Variants in GRID2 observed in about 807,000 individuals in gnomAD.
The protein encoded by GRID2 is glutamate ionotropic receptor delta type subunit 2.
A neutral mutation model predicts 114.8 loss-of-function variants in GRID2; 33 were observed. The observed-to-expected ratio is 0.29, with a 90% CI of 0.22 to 0.38. The LOEUF (loss-of-function observed/expected upper bound fraction) is 0.38. GRID2 is among the 10% of genes least tolerant of loss of function. The pLI is 1.00. For synonymous variants in GRID2, 505 were observed against 449.9 expected (o/e 1.12, Z -1.55); for missense variants, 1,184 against 1,257.7 (o/e 0.94, Z 0.89).
intron 4 of GRID2, among the ~76,000 whole-genome samples, chr4:93,205,464 A>G (rs1204901304): frequency 2.0e-5 from 3 of 152,096 alleles, no homozygotes; most frequent in Admixed American, 2.0e-4. Context: ...AGTTTCATCC[A>G]TGTCCCTACA....
intron 2 of GRID2, among the ~76,000 whole-genome samples, chr4:92,789,044 A>G (rs973075524): frequency 6.6e-6 from 1 of 151,920 alleles, no homozygotes; most frequent in African/African-American, 2.4e-5. Flanking sequence ...TATTTACTTA[A>G]AAGATAATTT....
chr4:93,087,485 G>A (rs1322733453), intron 3 of GRID2, among the ~76,000 whole-genome samples: 5 of 152,076 alleles, frequency 3.3e-5, no homozygotes, highest in Non-Finnish European at 5.9e-5. Context: ...TTTATTACGG[G>A]TGAGATAACT....
At chr4:93,134,407 A>G (rs1461182866) in intron 4 of GRID2, among the ~76,000 whole-genome samples, 1 of 152,166 alleles carries the variant, frequency 6.6e-6, no homozygotes, top group Non-Finnish European at 1.5e-5. Flanking sequence ...GATGGTGCTT[A>G]GTGTTCTCCT....
chr4:93,239,634 A>G (rs981554535), intron 8 of GRID2, among the ~76,000 whole-genome samples: 4 of 151,568 alleles, frequency 2.6e-5, no homozygotes, highest in East Asian at 1.9e-4. Context: ...AATATGAAAC[A>G]TATAGAAAAC....
chr4:93,101,358 G>T (rs1355749730), intron 3 of GRID2, among the ~76,000 whole-genome samples: 3 of 151,980 alleles, frequency 2.0e-5, no homozygotes, highest in Non-Finnish European at 4.4e-5. Flanking sequence ...TTGAACACCA[G>T]GTCTTATTTC....
intron 2 of GRID2, among the ~76,000 whole-genome samples, chr4:92,909,801 G>A (rs576100200): frequency 2.8e-4 from 42 of 152,146 alleles, no homozygotes; most frequent in Non-Finnish European, 7.4e-5. Context: ...AATTTCAATA[G>A]ATCATGCTCT....
At chr4:92,415,535 T>G (rs1423551052) in intron 1 of GRID2, among the ~76,000 whole-genome samples, 1 of 151,678 alleles carries the variant, frequency 6.6e-6, no homozygotes, top group East Asian at 2.0e-4. Flanking sequence ...TCCTCATACC[T>G]TAGCTCTTGC....
At chr4:93,623,746 A>G (rs1049288250) in intron 13 of GRID2, among the ~76,000 whole-genome samples, 4 of 152,146 alleles carry the variant, frequency 2.6e-5, no homozygotes, top group Non-Finnish European at 5.9e-5. Flanking sequence ...TACATTTTGT[A>G]CTGTTTTATT....
intron 2 of GRID2, among the ~76,000 whole-genome samples, chr4:93,016,199 T>C (rs1214309358): frequency 6.6e-6 from 1 of 151,618 alleles, no homozygotes; most frequent in East Asian, 1.9e-4. Context: ...AAAGAGGGAA[T>C]AATACTAACG....
At chr4:93,047,443 C>T (rs918433352) in intron 2 of GRID2, among the ~76,000 whole-genome samples, 2 of 151,938 alleles carry the variant, frequency 1.3e-5, no homozygotes, top group Non-Finnish European at 2.9e-5. Context: ...TTCTACTGTC[C>T]TCTTGATTTT....
At chr4:93,371,691 C>A (rs2149292586) in intron 8 of GRID2, among the ~76,000 whole-genome samples, 1 of 150,636 alleles carries the variant, frequency 6.6e-6, no homozygotes, top group African/African-American at 2.4e-5. Context: ...CTCCATACAT[C>A]ACATGTGCTT....
chr4:93,572,264 A>G (rs927627587), intron 13 of GRID2, among the ~76,000 whole-genome samples: 2 of 152,184 alleles, frequency 1.3e-5, no homozygotes, highest in African/African-American at 4.8e-5. Context: ...TCAAAGAACC[A>G]TAATCATTTA....
chr4:93,159,928 G>A (rs1737531323), intron 4 of GRID2, among the ~76,000 whole-genome samples: 1 of 151,538 alleles, frequency 6.6e-6, no homozygotes, highest in African/African-American at 2.4e-5. Flanking sequence ...TTTTGAAAAG[G>A]CAAAAATATA....
chr4:93,085,944 T>C (rs1332532812), intron 3 of GRID2, among the ~76,000 whole-genome samples: 3 of 152,214 alleles, frequency 2.0e-5, no homozygotes, highest in Non-Finnish European at 2.9e-5. Flanking sequence ...TCTCAGTATA[T>C]TTACTGGTAC....
intron 1 of GRID2, among the ~76,000 whole-genome samples, chr4:92,371,742 G>A (rs543329294): frequency 6.6e-6 from 1 of 152,242 alleles, no homozygotes; most frequent in East Asian, 1.9e-4. Context: ...AGATGAAGGA[G>A]TAATTTTAGT....
At chr4:92,707,793 G>C (rs1042982505) in intron 2 of GRID2, among the ~76,000 whole-genome samples, 1 of 152,228 alleles carries the variant, frequency 6.6e-6, no homozygotes, top group Non-Finnish European at 1.5e-5. Context: ...AGATGGTTCT[G>C]TGTTTGAAGG....
intron 2 of GRID2, among the ~76,000 whole-genome samples, chr4:92,620,014 C>A (rs1261900328): frequency 6.6e-6 from 1 of 151,466 alleles, no homozygotes; most frequent in Non-Finnish European, 1.5e-5. Flanking sequence ...ATTTACTTTT[C>A]ATGGTAATTC....
At chr4:93,753,310 C>G (rs550790239) in intron 14 of GRID2, among the ~76,000 whole-genome samples, 1 of 152,120 alleles carries the variant, frequency 6.6e-6, no homozygotes, top group Non-Finnish European at 1.5e-5. Context: ...TCCCCAGTAC[C>G]AGCTTATCTT....
rs182362954 is a variant in GRID2, at chr4:93,488,505, G to A, written c.1859-2134G>A. ...AATATGCCTGATATTATAGTAAATC[G>A]AATCCTGTTAAGTCATTCACGTATT... On this transcript the variant is annotated intron_variant, in intron 11 of 15. Coordinates refer to ENST00000282020, the MANE Select transcript of GRID2 (RefSeq NM_001510.4). 1.6e-3 allele frequency among the ~76,000 whole-genome samples: 245 copies of A among 151,940 alleles called. 1 individual carries two copies. Among genetic ancestry groups the A allele is most frequent in the African/African-American group, 5.4e-3 (225 of 41,474 alleles).
Sources: gnomAD v4.1 joint callset for allele counts (sites outside exome capture counted in the v4.1 genomes callset) on GRCh38, gnomAD v4.1.1 for gene constraint, MANE v1.5 for transcripts, NCBI Gene and HGNC (gene_info 2026-07-23, HGNC 2026-07-21) for gene names.